MICAL2: variants seen among roughly 807,000 people sequenced by gnomAD.
MICAL2 encodes microtubule associated monooxygenase, calponin and LIM domain containing 2.
A neutral mutation model predicts 127.3 loss-of-function variants in MICAL2; 77 were observed. The ratio of observed to expected loss-of-function variants is 0.60; its 90% CI spans 0.50 to 0.73. The LOEUF (loss-of-function observed/expected upper bound fraction) is 0.73. MICAL2 is among the 30% of genes least tolerant of loss of function. The probability of loss-of-function intolerance (pLI) is 0.00; values close to 1 mark genes in which losing one functional copy is unlikely to be tolerated. For synonymous variants in MICAL2, 570 were observed against 551.1 expected (o/e 1.03, Z -0.48); for missense variants, 1,351 against 1,434.4 (o/e 0.94, Z 0.94).
chr11:12,346,730 G>A (rs1437160203), intron 32 of MICAL2, among the ~76,000 whole-genome samples: 1 of 152,164 alleles, frequency 6.6e-6, no homozygotes, highest in East Asian at 1.9e-4. Context: ...AATGGACCAT[G>A]AGCTCCCAGT....
rs150771697 is a variant in MICAL2, at chr11:12,221,732, C to T, written c.1295C>T (p.Thr432Ile). The T allele has an allele frequency of 6.2e-7, 1 of 1,613,472 alleles. No homozygotes were observed. The highest frequency in any genetic ancestry group is 8.5e-7 in the Non-Finnish European group (1 of 1,179,706). Reference sequence around the variant, plus strand: ...ATGGTGAAGAGCTGGAACCAGGGCACCCCTCCCCTGGAGCTGCTGGCTGAA... The same window carrying T: ...ATGGTGAAGAGCTGGAACCAGGGCATCCCTCCCCTGGAGCTGCTGGCTGAA... ...AWMVKSWNQG[T>I]PPLELLAERE... The change falls in exon 10 of 28, where the codon ACC becomes ATC. Residue 432 changes from threonine (T) to isoleucine (I), a missense_variant. Coordinates refer to ENST00000683283, the MANE Select transcript of MICAL2 (RefSeq NM_001282663.2).
chr11:12,228,928 G>A (rs1857839674), intron 15 of MICAL2, among the ~76,000 whole-genome samples: 1 of 152,146 alleles, frequency 6.6e-6, no homozygotes, highest in South Asian at 2.1e-4. Flanking sequence ...GGGGTGGCTT[G>A]GGGTAGGGGC....
chr11:12,202,595 G>A (rs1426680108), intron 3 of MICAL2, among the ~76,000 whole-genome samples: 1 of 152,108 alleles, frequency 6.6e-6, no homozygotes, highest in East Asian at 1.9e-4. Flanking sequence ...AACCTACCAG[G>A]CAGGATTAGC....
At chr11:12,236,345 C>A in intron 16 of MICAL2, 100 bp downstream of exon 16, 1 of 1,078,086 alleles carries the variant, frequency 9.3e-7, no homozygotes, top group Non-Finnish European at 1.4e-6. Flanking sequence ...TGTTCCTTCC[C>A]TCTCTCATGA....
chr11:12,114,452 G>A (rs553428882), intron 1 of MICAL2, among the ~76,000 whole-genome samples: 11 of 152,268 alleles, frequency 7.2e-5, no homozygotes, highest in East Asian at 1.9e-4. Flanking sequence ...GCATTAGGCC[G>A]TTGGTCCTTT....
At chr11:12,288,151 G>A (rs1863850756), downstream of MICAL2, among the ~76,000 whole-genome samples, 1 of 152,208 alleles carries the variant, frequency 6.6e-6, no homozygotes, top group Non-Finnish European at 1.5e-5. Context: ...TCTTGGGCAG[G>A]CCACTTCATC....
At chr11:12,180,551 C>T (rs962280839) in intron 3 of MICAL2, among the ~76,000 whole-genome samples, 3 of 152,120 alleles carry the variant, frequency 2.0e-5, no homozygotes, top group African/African-American at 7.2e-5. Context: ...GGTTTAATAA[C>T]ATCACAATAG....
intron 29 of MICAL2, among the ~76,000 whole-genome samples, chr11:12,311,300 G>A (rs1472719490): frequency 6.6e-6 from 1 of 151,958 alleles, no homozygotes; most frequent in Non-Finnish European, 1.5e-5. Context: ...TCACTGTATT[G>A]AATTTACTAA....
In MICAL2 at chr11:12,130,329, G is replaced by A. The variant is rs1187549245; in HGVS notation, c.-148-8061G>A. 5.3e-5 allele frequency among the ~76,000 whole-genome samples: 8 copies of A among 152,188 alleles called. 1 individual carries two copies. The highest frequency in any genetic ancestry group is 3.9e-4 in the East Asian group (2 of 5,184). On this transcript the variant is annotated intron_variant, in intron 1 of 27. Transcript: ENST00000683283. ...CAAGAGGAGGAGCAGGTGCTGAGGT[G>A]TAGAGCCCAGAATCACTGCCTGGAG... is the stretch of plus-strand genomic sequence containing the variant.
downstream of MICAL2, among the ~76,000 whole-genome samples, chr11:12,289,298 C>T (rs539201251): frequency 6.6e-6 from 1 of 152,320 alleles, no homozygotes; most frequent in Non-Finnish European, 1.5e-5. Flanking sequence ...GCAAGGCAGC[C>T]CCCGGTGGGC....
In MICAL2 at chr11:12,330,900, A is replaced by AGTGTGT. The variant is rs200754218; in HGVS notation, c.5515+3661_5515+3666dup. Reference sequence around the variant, plus strand: ...GAGAGAGACAGAGAGAGAGAGAGAGAGTGTGTGTGTGTGTGTGTGTGTGTG... The same window carrying AGTGTGT: ...GAGAGAGACAGAGAGAGAGAGAGAGAGTGTGTGTGTGTGTGTGTGTGTGTGTGTGTG... On this transcript the variant is annotated intron_variant, in intron 32 of 34. Transcript: ENST00000646065. Among the ~76,000 whole-genome samples, 495 of 119,396 alleles carry AGTGTGT rather than the reference A, an allele frequency of 4.1e-3. 13 individuals carry two copies. The highest frequency in any genetic ancestry group is 0.04 in the East Asian group (142 of 3,566). The allele number at this position is 119,396 out of a possible 152,430, so 78.3% of individuals were successfully genotyped here.
Position 12,156,495 on chromosome 11 carries a change from C to T in MICAL2, c.-77-5584C>T, listed in dbSNP as rs1478663768. 2.0e-5 allele frequency among the ~76,000 whole-genome samples: 3 copies of T among 152,280 alleles called. No homozygotes were observed. In the East Asian group the frequency reaches 5.8e-4, roughly 29 times the overall value. On this transcript the variant is annotated intron_variant, in intron 2 of 27. Transcript: ENST00000683283. Reference sequence around the variant, plus strand: ...GCAGCCCCAGGAGGCAGTACACGCTCCTCTGTTTGTGGAAGTGACCGAGGC... The same window carrying T: ...GCAGCCCCAGGAGGCAGTACACGCTTCTCTGTTTGTGGAAGTGACCGAGGC...
intron 27 of MICAL2, chr11:12,262,750 C>T: frequency 1.8e-6 from 1 of 546,936 alleles, no homozygotes; most frequent in Non-Finnish European, 3.3e-6. Context: ...AGCTGGCAGC[C>T]TGGTCTACCC....
chr11:12,128,984 A>G (rs1851179098), intron 1 of MICAL2, among the ~76,000 whole-genome samples: 2 of 152,218 alleles, frequency 1.3e-5, no homozygotes, highest in African/African-American at 4.8e-5. Context: ...TTTATATTAT[A>G]GTATTATTGT....
Position 12,241,090 on chromosome 11 carries a change from C to T in MICAL2, c.2265C>T (p.Gly755=). Residue 755 remains glycine, a synonymous_variant, in exon 18 of 28, where the codon GGC becomes GGT. Transcript: ENST00000683283. ...IGKPVLCSSS[G]PPVHSCCPKP... Reference sequence around the variant, plus strand: ...AGCCGGTCCTGTGCTCTTCCTCCGGCCCTCCTGTTCACTCTTGCTGCCCCA... The same window carrying T: ...AGCCGGTCCTGTGCTCTTCCTCCGGTCCTCCTGTTCACTCTTGCTGCCCCA... 1 of 1,614,192 alleles carries T rather than the reference C, an allele frequency of 6.2e-7. No individual in the cohort carries two copies. The highest frequency in any genetic ancestry group is 8.5e-7 in the Non-Finnish European group (1 of 1,180,022).
At chr11:12,358,789 T>C (rs756535893), downstream of MICAL2, 1 of 190,310 alleles carries the variant, frequency 5.3e-6, no homozygotes, top group Non-Finnish European at 1.1e-5. Flanking sequence ...GACTTGACTT[T>C]CCTGCTACTT....
At chr11:12,151,272 G>A (rs959547917) in intron 2 of MICAL2, among the ~76,000 whole-genome samples, 3 of 152,102 alleles carry the variant, frequency 2.0e-5, no homozygotes, top group African/African-American at 7.2e-5. Context: ...TATTTCTGGG[G>A]GTCAGGCAAC....
At chr11:12,194,634 A>G (rs1429670153) in intron 3 of MICAL2, among the ~76,000 whole-genome samples, 1 of 152,108 alleles carries the variant, frequency 6.6e-6, no homozygotes, top group Non-Finnish European at 1.5e-5. Context: ...AAGAAATGTG[A>G]GATTTATCTG....
intron 15 of MICAL2, among the ~76,000 whole-genome samples, chr11:12,234,083 T>C (rs188522495): frequency 1.3e-3 from 205 of 152,274 alleles, no homozygotes; most frequent in Middle Eastern, 3.4e-3. Flanking sequence ...TCCCCGTCCA[T>C]GTCCTTTATT....
Sources: allele counts gnomAD v4.1 joint callset (sites outside exome capture counted in the v4.1 genomes callset), GRCh38; gene constraint gnomAD v4.1.1; transcripts MANE v1.5; gene names NCBI Gene and HGNC (gene_info 2026-07-23, HGNC 2026-07-21).